Variants in KCNMA1 observed in about 807,000 individuals in gnomAD.
The protein encoded by KCNMA1 is potassium calcium-activated channel subfamily M alpha 1, also known as Calcium-activated potassium channel subunit alpha-1.
KCNMA1 carries 29 observed loss-of-function variants against 140.0 expected under a neutral mutation model. The ratio of observed to expected loss-of-function variants is 0.21; its 90% CI spans 0.15 to 0.28. The LOEUF (loss-of-function observed/expected upper bound fraction) is 0.28, where lower values mean the gene tolerates loss of function less well. KCNMA1 is among the 10% of genes least tolerant of loss of function. KCNMA1 has a pLI of 1.00. For synonymous variants in KCNMA1, 612 were observed against 611.9 expected (o/e 1.00, Z 0.00); for missense variants, 880 against 1,602.2 (o/e 0.55, Z 7.70).
intron 3 of KCNMA1, among the ~76,000 whole-genome samples, chr10:77,213,157 C>G (rs192180641): frequency 6.6e-6 from 1 of 151,898 alleles, no homozygotes. Context: ...ATTGTTATGA[C>G]GTGTAATGAT....
At chr10:77,465,280 G>A (rs1442204692) in intron 1 of KCNMA1, among the ~76,000 whole-genome samples, 1 of 152,186 alleles carries the variant, frequency 6.6e-6, no homozygotes, top group Non-Finnish European at 1.5e-5. Flanking sequence ...TAAGTGCAAA[G>A]CTGGTACCTG....
At chr10:77,475,582 G>A (rs1468478177) in intron 1 of KCNMA1, among the ~76,000 whole-genome samples, 6 of 152,110 alleles carry the variant, frequency 3.9e-5, no homozygotes, top group Non-Finnish European at 8.8e-5. Context: ...CAAGGCAAGG[G>A]GAGATTAATG....
At chr10:76,874,978 A>C (rs569246751), downstream of KCNMA1, 4 of 152,358 alleles carry the variant, frequency 2.6e-5, no homozygotes, top group African/African-American at 9.6e-5. Context: ...TCAGAGCCTC[A>C]TAATGTGGAC....
chr10:77,375,319 G>A (rs1273317867), intron 2 of KCNMA1, among the ~76,000 whole-genome samples: 5 of 152,134 alleles, frequency 3.3e-5, no homozygotes, highest in East Asian at 1.9e-4. Context: ...TTCAGAGTCC[G>A]ACCTAAGTTT....
intron 14 of KCNMA1, among the ~76,000 whole-genome samples, chr10:77,067,585 T>C (rs541993358): frequency 6.6e-6 from 1 of 152,334 alleles, no homozygotes; most frequent in East Asian, 1.9e-4. Context: ...AGCACCTACC[T>C]AAGTCATCCC....
intron 5 of KCNMA1, among the ~76,000 whole-genome samples, chr10:77,179,026 C>T (rs566722580): frequency 3.3e-5 from 5 of 152,268 alleles, no homozygotes; most frequent in African/African-American, 1.2e-4. Flanking sequence ...GGTTTGTTTT[C>T]TCCTGCGGTG....
intron 1 of KCNMA1, among the ~76,000 whole-genome samples, chr10:77,461,197 T>A (rs2097860146): frequency 6.6e-6 from 1 of 150,610 alleles, no homozygotes; most frequent in Non-Finnish European, 1.5e-5. Context: ...ACACAATATA[T>A]CCATGTAACA....
rs557066034 is a variant in KCNMA1, at chr10:77,235,538, C to T, written c.602+15657G>A. On this transcript the variant is annotated intron_variant, in intron 3 of 27. Transcript: ENST00000286628. Reference sequence around the variant, plus strand: ...CATTATGCCCAAGGTCACTCACCCACATGGCAAGCATACATCCAGGCTGAC... The same window carrying T: ...CATTATGCCCAAGGTCACTCACCCATATGGCAAGCATACATCCAGGCTGAC... Among the ~76,000 whole-genome samples the T allele has an allele frequency of 3.3e-5, 5 of 152,328 alleles. No homozygotes were observed. In the South Asian group the frequency reaches 8.3e-4, roughly 25 times the overall value.
rs555783987 is a variant in KCNMA1 at position 77,182,966 on chromosome 10, C to A, written c.808+455G>T. On this transcript the variant is annotated intron_variant, in intron 5 of 27. Transcript: ENST00000286628. ...AGAAGCTTCATCTCTCCCTGCCCTA[C>A]AAAGAACCTTGTACCTATAAATAGA... 2.8e-4 allele frequency among the ~76,000 whole-genome samples: 43 copies of A among 152,296 alleles called. No individual in the cohort carries two copies. The South Asian group carries it at 8.9e-3, about 32-fold the overall frequency.
chr10:77,231,072 T>C (rs1238767109), intron 3 of KCNMA1, among the ~76,000 whole-genome samples: 2 of 152,200 alleles, frequency 1.3e-5, no homozygotes, highest in Non-Finnish European at 2.9e-5. Context: ...TGGGCTTTAA[T>C]TGAGAAATCA....
exon 28 of KCNMA1, chr10:76,870,407 T>A (rs1173513421): frequency 6.6e-6 from 1 of 152,272 alleles, no homozygotes; most frequent in African/African-American, 2.4e-5. Flanking sequence ...CCCTGTTCTG[T>A]TAACTAGCAA....
At chr10:77,211,567 C>T (rs1478238855) in intron 3 of KCNMA1, among the ~76,000 whole-genome samples, 1 of 152,062 alleles carries the variant, frequency 6.6e-6, no homozygotes, top group Non-Finnish European at 1.5e-5. Context: ...TACTAAGTTC[C>T]TAAAAGCAAC....
chr10:77,363,925 C>A (rs553773323), intron 2 of KCNMA1, among the ~76,000 whole-genome samples: 1 of 152,090 alleles, frequency 6.6e-6, no homozygotes, highest in African/African-American at 2.4e-5. Context: ...ATATGCATGA[C>A]GATATGTTTT....
chr10:77,324,922 C>T (rs553699867), intron 2 of KCNMA1, among the ~76,000 whole-genome samples: 22 of 147,848 alleles, frequency 1.5e-4, no homozygotes, highest in African/African-American at 4.9e-4. Context: ...AACTTCTGGA[C>T]ACTCAGTATA....
chr10:77,073,455 A>G (rs1028399576), intron 13 of KCNMA1, among the ~76,000 whole-genome samples: 1 of 152,094 alleles, frequency 6.6e-6, no homozygotes, highest in Non-Finnish European at 1.5e-5. Flanking sequence ...TTGCTTCTGC[A>G]CCCACCAAGC....
At chr10:77,417,472 GAAGCTTA>G (rs2096768281) in intron 1 of KCNMA1, among the ~76,000 whole-genome samples, 1 of 152,206 alleles carries the variant, frequency 6.6e-6, no homozygotes, top group Non-Finnish European at 1.5e-5. Context: ...TCCATGACTT[GAAGCTTA>G]AACTGGGGGT....
Position 77,073,312 on chromosome 10 carries a change from T to C in KCNMA1, c.1594-60A>G, listed in dbSNP as rs2274416. The C allele has an allele frequency of 0.079, 123,568 of 1,567,554 alleles. 5,475 individuals carry two copies. The highest frequency in any genetic ancestry group is 0.09 in the Non-Finnish European group (102,478 of 1,140,112). ...TGTTAAATGTTCAATTGTTTAACAT[T>C]TCTTCTGGGAAATGCAGCATTGCCC... On this transcript the variant is annotated intron_variant, in intron 13 of 27. Coordinates refer to ENST00000286628, the MANE Select transcript of KCNMA1 (RefSeq NM_001161352.2).
At chr10:77,293,959 A>G in intron 2 of KCNMA1, among the ~76,000 whole-genome samples, 1 of 152,228 alleles carries the variant, frequency 6.6e-6, no homozygotes, top group East Asian at 1.9e-4. Context: ...TAGCTGTGTC[A>G]CATCCAAGCA....
At position 77,229,638 on chromosome 10, in the gene KCNMA1, G is replaced by A. The variant is rs187993485; in HGVS notation, c.602+21557C>T. On this transcript the variant is annotated intron_variant, in intron 3 of 27. Coordinates refer to ENST00000286628, the MANE Select transcript of KCNMA1 (RefSeq NM_001161352.2). ...GAGATCTGGATTTGAACCCCACCTC[G>A]GTCTGAGTCCAAAGCCTGTGCTCTT... Among the ~76,000 whole-genome samples, 4 of 152,188 alleles carry A rather than the reference G, an allele frequency of 2.6e-5. No individual in the cohort carries two copies. In the East Asian group the frequency reaches 5.8e-4, roughly 22 times the overall value.
Sources: gnomAD v4.1 joint callset for allele counts (sites outside exome capture counted in the v4.1 genomes callset) on GRCh38, gnomAD v4.1.1 for gene constraint, MANE v1.5 for transcripts, NCBI Gene and HGNC (gene_info 2026-07-23, HGNC 2026-07-21) for gene names.